PDGFC: variants seen among roughly 807,000 people sequenced by gnomAD.
The protein encoded by PDGFC is platelet derived growth factor C, also known as platelet-derived growth factor C.
PDGFC carries 12 observed loss-of-function variants against 35.5 expected under a neutral mutation model. The ratio of observed to expected loss-of-function variants is 0.34; its 90% CI spans 0.22 to 0.55. The LOEUF is 0.55. PDGFC is among the 20% of genes least tolerant of loss of function. The pLI, the probability that PDGFC is intolerant of heterozygous loss-of-function variation, is 0.91. For synonymous variants in PDGFC, 159 were observed against 148.8 expected (o/e 1.07, Z -0.50); for missense variants, 322 against 412.4 (o/e 0.78, Z 1.90).
intron 1 of PDGFC, among the ~76,000 whole-genome samples, chr4:156,917,518 T>A (rs1435465326): frequency 6.6e-6 from 1 of 152,210 alleles, no homozygotes; most frequent in African/African-American, 2.4e-5. Context: ...AGTAAAATCT[T>A]GTTAAAGAAA....
intron 1 of PDGFC, among the ~76,000 whole-genome samples, chr4:156,855,209 TA>T (rs1231968805): frequency 4.6e-5 from 7 of 152,230 alleles, no homozygotes; most frequent in South Asian, 4.1e-4. Context: ...TTGGTTCCTT[TA>T]AAAAAATATT....
intron 3 of PDGFC, among the ~76,000 whole-genome samples, chr4:156,786,981 A>G (rs953077101): frequency 1.2e-4 from 18 of 152,158 alleles, no homozygotes; most frequent in Admixed American, 5.2e-4. Context: ...ATCCAAATGG[A>G]AAGATTGAGA....
chr4:156,958,625 G>A (rs189705343), intron 1 of PDGFC, among the ~76,000 whole-genome samples: 3 of 152,058 alleles, frequency 2.0e-5, no homozygotes, highest in East Asian at 1.9e-4. Flanking sequence ...AAATTATTTC[G>A]TTTCCTGTGC....
intron 3 of PDGFC, among the ~76,000 whole-genome samples, chr4:156,810,145 T>A (rs1451854521): frequency 6.6e-6 from 1 of 150,540 alleles, no homozygotes; most frequent in Admixed American, 6.6e-5. Context: ...AATGTACATC[T>A]TTGTCTATCA....
intron 1 of PDGFC, among the ~76,000 whole-genome samples, chr4:156,911,002 C>A (rs1056577328): frequency 1.3e-5 from 2 of 152,122 alleles, no homozygotes; most frequent in Non-Finnish European, 2.9e-5. Flanking sequence ...CTCGTCCTTT[C>A]ATCCTCTTAA....
chr4:156,799,658 A>T (rs1731545857), intron 3 of PDGFC, among the ~76,000 whole-genome samples: 4 of 152,218 alleles, frequency 2.6e-5, no homozygotes, highest in Admixed American at 2.6e-4. Flanking sequence ...TACAGTTCTG[A>T]AAAATTTGGC....
At chr4:156,796,023 G>A (rs886419076) in intron 3 of PDGFC, among the ~76,000 whole-genome samples, 1 of 152,144 alleles carries the variant, frequency 6.6e-6, no homozygotes, top group African/African-American at 2.4e-5. Flanking sequence ...CCCACATCAA[G>A]AGGAGTGATT....
intron 1 of PDGFC, among the ~76,000 whole-genome samples, chr4:156,877,130 T>C (rs1468507072): frequency 6.6e-6 from 1 of 152,016 alleles, no homozygotes; most frequent in Non-Finnish European, 1.5e-5. Context: ...ACATAATAAG[T>C]GTATATATTT....
At chr4:156,939,691 G>T (rs1014649987) in intron 1 of PDGFC, among the ~76,000 whole-genome samples, 1 of 151,998 alleles carries the variant, frequency 6.6e-6, no homozygotes, top group African/African-American at 2.4e-5. Flanking sequence ...TGTGTCCTCA[G>T]CAGAAATTAA....
At chr4:156,868,514 C>T (rs1308121477) in intron 1 of PDGFC, among the ~76,000 whole-genome samples, 4 of 152,132 alleles carry the variant, frequency 2.6e-5, no homozygotes, top group Non-Finnish European at 5.9e-5. Flanking sequence ...TGAACAAAAA[C>T]ATCCTAGGAA....
chr4:156,917,306 C>A (rs1206841030), intron 1 of PDGFC, among the ~76,000 whole-genome samples: 1 of 152,202 alleles, frequency 6.6e-6, no homozygotes, highest in Non-Finnish European at 1.5e-5. Flanking sequence ...CATGGCAAGT[C>A]TATCCCAAAC....
chr4:156,877,878 TC>T (rs2111162179), intron 1 of PDGFC, among the ~76,000 whole-genome samples: 1 of 152,250 alleles, frequency 6.6e-6, no homozygotes, highest in South Asian at 2.1e-4. Flanking sequence ...AGCACAAATG[TC>T]ATCTCCCTGA....
intron 3 of PDGFC, among the ~76,000 whole-genome samples, chr4:156,800,494 C>G (rs891280677): frequency 6.6e-6 from 1 of 152,004 alleles, no homozygotes; most frequent in Non-Finnish European, 1.5e-5. Context: ...TTTAAAAGCT[C>G]TAGTTTTAAT....
chr4:156,832,673 G>C (rs1479700226), intron 2 of PDGFC, among the ~76,000 whole-genome samples: 1 of 152,160 alleles, frequency 6.6e-6, no homozygotes, highest in Non-Finnish European at 1.5e-5. Context: ...GTTGACCCCT[G>C]AACAACGGGC....
intron 5 of PDGFC, among the ~76,000 whole-genome samples, chr4:156,765,461 G>T (rs2110789186): frequency 6.6e-6 from 1 of 152,238 alleles, no homozygotes; most frequent in African/African-American, 2.4e-5. Flanking sequence ...AAATGCTCAT[G>T]GACCATTGCT....
intron 1 of PDGFC, among the ~76,000 whole-genome samples, chr4:156,966,321 T>C (rs1402656072): frequency 6.6e-6 from 1 of 152,156 alleles, no homozygotes; most frequent in African/African-American, 2.4e-5. Flanking sequence ...TATATTCTGA[T>C]TACGTATAAT....
chr4:156,776,380 T>C (rs1406033915), intron 3 of PDGFC, among the ~76,000 whole-genome samples: 1 of 152,242 alleles, frequency 6.6e-6, no homozygotes, highest in Non-Finnish European at 1.5e-5. Context: ...ACTTTTAAGC[T>C]ATAGGTTGTG....
rs565067063 is a variant in PDGFC, at chr4:156,777,344, C to T, written c.496-4451G>A. On this transcript the variant is annotated intron_variant, in intron 3 of 5. Transcript: ENST00000502773. ...GTATTATGGGCTGAATTAGAGTTCA[C>T]TCAAAATTTCTATTCTACTAAAGTC... Among the ~76,000 whole-genome samples, 15 of 152,254 alleles carry T rather than the reference C, an allele frequency of 9.9e-5. No homozygotes were observed. The South Asian group carries it at 2.3e-3, about 23-fold the overall frequency.
intron 2 of PDGFC, among the ~76,000 whole-genome samples, chr4:156,832,413 T>A (rs534005595): frequency 6.6e-6 from 1 of 152,088 alleles, no homozygotes; most frequent in Non-Finnish European, 1.5e-5. Flanking sequence ...CCCGCCACCA[T>A]GCCTGGCTAA....
Sources: gnomAD v4.1 joint callset for allele counts (sites outside exome capture counted in the v4.1 genomes callset) on GRCh38, gnomAD v4.1.1 for gene constraint, MANE v1.5 for transcripts, NCBI Gene and HGNC (gene_info 2026-07-23, HGNC 2026-07-21) for gene names.